The following COL3A1 variants were observed in gnomAD, a reference collection of about 807,000 sequenced individuals.
COL3A1 encodes collagen type III alpha 1 chain, also known as collagen alpha-1(III) chain.
Under a neutral mutation model 200.9 loss-of-function variants are expected in COL3A1, and 46 were observed. That is an observed-to-expected ratio of 0.23 (90% CI 0.18 to 0.29). The LOEUF is 0.29. Among genes scored for constraint, COL3A1 ranks in the 10% least tolerant of loss-of-function variants. COL3A1 has a pLI of 1.00. For missense variants in COL3A1, 1,367 were observed against 1,917.6 expected, an observed-to-expected ratio of 0.71 and a Z score of 5.36; for synonymous variants, 650 against 628.0, an observed-to-expected ratio of 1.03 and a Z score of -0.52.
At chr2:188,997,441 G>A in intron 26 of COL3A1, 52 bp downstream of exon 26, 1 of 1,539,316 alleles carries the variant, frequency 6.5e-7, no homozygotes, top group Non-Finnish European at 9.0e-7. Context: ...AGGTGGGGCA[G>A]GAAGAATGCT....
intron 44 of COL3A1, 116 bp from the exon 45 acceptor site, chr2:189,007,384 G>A: frequency 1.2e-6 from 1 of 802,990 alleles, no homozygotes; most frequent in South Asian, 1.8e-5. Flanking sequence ...GTCTGTTGAT[G>A]GGGGATTTTT....
At chr2:188,977,729 A>G (rs1687852315) in intron 1 of COL3A1, among the ~76,000 whole-genome samples, 1 of 152,074 alleles carries the variant, frequency 6.6e-6, no homozygotes, top group Admixed American at 6.6e-5. Context: ...CAGATATTTG[A>G]ATTTTCTTAA....
chr2:188,996,414 G>A lies in COL3A1; in HGVS notation c.1679G>A (p.Ser560Asn). ...KPGPPGSQGE[S>N]GRPGPPGPSG... Reference sequence around the variant, plus strand: ...TCTTATTAGGGAAGTCAAGGAGAAAGTGGTCGACCAGGTCCTCCTGGGCCA... The same window carrying A: ...TCTTATTAGGGAAGTCAAGGAGAAAATGGTCGACCAGGTCCTCCTGGGCCA... The change falls in exon 24 of 51, where the codon AGT (serine) becomes AAT (asparagine). Residue 560 changes from serine to asparagine, a missense_variant. Coordinates refer to ENST00000304636, the MANE Select transcript of COL3A1 (RefSeq NM_000090.4). 6.2e-7 allele frequency: 1 copy of A among 1,613,816 alleles called. No homozygotes were observed. The highest frequency in any genetic ancestry group is 8.5e-7 in the Non-Finnish European group (1 of 1,179,896).
intron 1 of COL3A1, among the ~76,000 whole-genome samples, chr2:188,983,040 G>C (rs994058705): frequency 6.6e-6 from 1 of 151,702 alleles, no homozygotes; most frequent in Non-Finnish European, 1.5e-5. Flanking sequence ...CATTCAAATA[G>C]GCCTACTTCA....
At chr2:189,001,732 T>C (rs1199346943) in intron 34 of COL3A1, 143 bp downstream of exon 34, 7 of 791,812 alleles carry the variant, frequency 8.8e-6, no homozygotes, top group Non-Finnish European at 4.3e-6. Context: ...TAAGGAACCA[T>C]ATAGCATGCA....
At chr2:188,985,042 A>G in intron 2 of COL3A1, 80 bp downstream of exon 2, 1 of 1,456,888 alleles carries the variant, frequency 6.9e-7, no homozygotes, top group Non-Finnish European at 9.6e-7. Context: ...GGAGCCTAAA[A>G]GGGAATGAAA....
intron 1 of COL3A1, among the ~76,000 whole-genome samples, chr2:188,982,727 G>T (rs1687979422): frequency 6.6e-6 from 1 of 151,710 alleles, no homozygotes; most frequent in South Asian, 2.1e-4. Context: ...GGAAAATCTT[G>T]GGCTGAAACT....
At chr2:189,007,628 G>A in intron 45 of COL3A1, 21 bp downstream of exon 45, 3 of 1,584,082 alleles carry the variant, frequency 1.9e-6, no homozygotes, top group Non-Finnish European at 2.6e-6. Flanking sequence ...TCATTTTGTT[G>A]GAAAATCCCT....
In COL3A1 at chr2:189,011,798, A is replaced by G. The variant is rs1576474991; in HGVS notation, c.*24A>G. ...AAACCAAACTCTATCTGAAATCCCA[A>G]CAAAAAAAATTTAACTCCATATGTG... is the stretch of plus-strand genomic sequence containing the variant. On this transcript the variant is annotated 3_prime_UTR_variant, in exon 51 of 51. Transcript: ENST00000304636. 1 of 1,613,722 alleles carries G rather than the reference A, an allele frequency of 6.2e-7. No individual in the cohort carries two copies.
intron 9 of COL3A1, 71 bp from the exon 10 acceptor site, chr2:188,990,234 CAG>C (rs1559054583): frequency 6.3e-7 from 1 of 1,582,490 alleles, no homozygotes; most frequent in South Asian, 1.1e-5. Flanking sequence ...AACTTAAAAA[CAG>C]AAAGTGTTTT....
At chr2:188,984,451 T>A (rs1316309463) in intron 1 of COL3A1, among the ~76,000 whole-genome samples, 1 of 152,048 alleles carries the variant, frequency 6.6e-6, no homozygotes. Context: ...AATAAATAAA[T>A]GTTTAAATGC....
At position 188,974,426 on chromosome 2, in the gene COL3A1, G is replaced by T. The variant is rs1374432752; in HGVS notation, c.-64G>T. The T allele has an allele frequency of 3.0e-5, 37 of 1,249,998 alleles. No homozygotes were observed. Among genetic ancestry groups the T allele is most frequent in the Non-Finnish European group, 3.9e-5 (33 of 855,672 alleles). The allele number at this position is 1,249,998 out of a possible 1,614,324, so 77.4% of individuals were successfully genotyped here. A position where few individuals can be genotyped will look rare whatever the true frequency, so the allele number is the denominator to read the frequency against. On this transcript the variant is annotated 5_prime_UTR_variant, in exon 1 of 51. Coordinates refer to ENST00000304636, the MANE Select transcript of COL3A1 (RefSeq NM_000090.4). ...GAAGGGCAGGGAACAACTTGATGGTGCTACTTTGAACTGCTTTTCTTTTCT... is the reference window on the plus strand; with the variant it reads ...GAAGGGCAGGGAACAACTTGATGGTTCTACTTTGAACTGCTTTTCTTTTCT...
rs587779536 is a variant in COL3A1 at position 189,007,912 on chromosome 2, G to A, written c.3391G>A (p.Gly1131Ser). The A allele has an allele frequency of 6.2e-7, 1 of 1,614,060 alleles. No homozygotes were observed. The highest frequency in any genetic ancestry group is 8.5e-7 in the Non-Finnish European group (1 of 1,180,018). Residue 1131 changes from glycine (G) to serine (S), a missense_variant, in exon 46 of 51, where the codon GGC becomes AGC. Physicochemically the swap from Gly to Ser is moderately conservative, Grantham distance 56 (BLOSUM62 0). Coordinates refer to ENST00000304636, the MANE Select transcript of COL3A1 (RefSeq NM_000090.4). ...CCCTGCTGGTCAGCAGGGTGCAATC[G>A]GCAGTCCAGGACCTGCAGGCCCCAG... ...PGPAGQQGAI[G>S]SPGPAGPRGP...
rs1444073398 is a variant in COL3A1, at chr2:189,002,892, A to G, written c.2446-63A>G. ...GAATTCTATATTCTGAAGAGAAATA[A>G]TAATAAGCCAATTGTATCATAAAGA... On this transcript the variant is annotated intron_variant, in intron 35 of 50. Coordinates refer to ENST00000304636, the MANE Select transcript of COL3A1 (RefSeq NM_000090.4). 4.1e-6 allele frequency: 5 copies of G among 1,218,842 alleles called. No individual in the cohort carries two copies. The African/African-American group carries it at 4.5e-5, about 11-fold the overall frequency. 75.5% of individuals were successfully genotyped at this position (1,218,842 alleles called of 1,614,324 possible). A position where few individuals can be genotyped will look rare whatever the true frequency, so the allele number is the denominator to read the frequency against.
chr2:189,002,233 C>A, intron 34 of COL3A1, 65 bp from the exon 35 acceptor site: 1 of 1,272,456 alleles, frequency 7.9e-7, no homozygotes, highest in Non-Finnish European at 1.2e-6. Flanking sequence ...GATAAGATGA[C>A]ATTTCCTGCC....
intron 1 of COL3A1, among the ~76,000 whole-genome samples, chr2:188,976,716 C>T (rs1687826213): frequency 6.6e-6 from 1 of 152,108 alleles, no homozygotes. Context: ...ACAAACAAGT[C>T]CTCAAAAAGA....
Position 189,001,623 on chromosome 2 carries a change from A to G in COL3A1, c.2391+34A>G, listed in dbSNP as rs374677138. On this transcript the variant is annotated intron_variant, in intron 34 of 50. Coordinates refer to ENST00000304636, the MANE Select transcript of COL3A1 (RefSeq NM_000090.4). Reference sequence around the variant, plus strand: ...TAAAGACATTCTCAACATACTTTTTAACCCCATACAGACAGTAGCTACTTA... The same window carrying G: ...TAAAGACATTCTCAACATACTTTTTGACCCCATACAGACAGTAGCTACTTA... 21 of 1,612,126 alleles carry G rather than the reference A, an allele frequency of 1.3e-5. No homozygotes were observed. The African/African-American group carries it at 2.4e-4, about 18-fold the overall frequency.
intron 21 of COL3A1, 70 bp from the exon 22 acceptor site, chr2:188,995,622 C>T (rs1456830682): frequency 9.1e-7 from 1 of 1,094,570 alleles, no homozygotes; most frequent in South Asian, 1.4e-5. Flanking sequence ...CTCTTTGTAA[C>T]CAAAATATTG....
intron 32 of COL3A1, 99 bp from the exon 33 acceptor site, chr2:189,001,298 T>G: frequency 8.7e-7 from 1 of 1,152,890 alleles, no homozygotes; most frequent in East Asian, 2.4e-5. Context: ...GTATGTTATC[T>G]AGTTTATTAG....
Sources: allele counts gnomAD v4.1 joint callset (sites outside exome capture counted in the v4.1 genomes callset), GRCh38; gene constraint gnomAD v4.1.1; transcripts MANE v1.5; gene names NCBI Gene and HGNC (gene_info 2026-07-23, HGNC 2026-07-21).